The following NRXN3 variants were observed in gnomAD, a reference collection of about 807,000 sequenced individuals.
The protein encoded by NRXN3 is neurexin 3.
In NRXN3, 32 loss-of-function variants were observed where a neutral mutation model predicts 137.6. The observed-to-expected ratio is 0.23, with a 90% CI of 0.18 to 0.31. The LOEUF is 0.31. NRXN3 is among the 10% of genes least tolerant of loss of function. The pLI is 1.00. For missense variants in NRXN3, 1,574 were observed against 2,062.5 expected (o/e 0.76, Z 4.59); for synonymous variants, 798 against 784.5 (o/e 1.02, Z -0.29).
At chr14:78,527,225 C>T (rs745962680) in intron 4 of NRXN3, among the ~76,000 whole-genome samples, 1 of 152,176 alleles carries the variant, frequency 6.6e-6, no homozygotes, top group Non-Finnish European at 1.5e-5. Context: ...GTTTAATTGG[C>T]TCATGGTACT....
intron 15 of NRXN3, among the ~76,000 whole-genome samples, chr14:79,362,684 GC>G (rs971509497): frequency 6.6e-6 from 1 of 152,326 alleles, no homozygotes; most frequent in African/African-American, 2.4e-5. Context: ...TGACGCAGAT[GC>G]CAAGAAATCA....
chr14:78,673,704 T>C (rs911099818), intron 6 of NRXN3, among the ~76,000 whole-genome samples: 3 of 152,092 alleles, frequency 2.0e-5, no homozygotes, highest in African/African-American at 7.2e-5. Flanking sequence ...GCAGAGATCA[T>C]CTCTCTTGTT....
At chr14:79,104,113 C>A (rs142895233) in intron 15 of NRXN3, among the ~76,000 whole-genome samples, 3 of 152,292 alleles carry the variant, frequency 2.0e-5, no homozygotes, top group Non-Finnish European at 4.4e-5. Context: ...TCAGGGAAGT[C>A]TTCTGTGACC....
intron 10 of NRXN3, among the ~76,000 whole-genome samples, chr14:78,892,774 C>G (rs1438181263): frequency 2.1e-5 from 3 of 140,142 alleles, no homozygotes; most frequent in East Asian, 2.1e-4. Context: ...CCCCCATCTT[C>G]TGTGTGTGTG....
chr14:79,444,698 C>T lies in NRXN3; in HGVS notation c.3263-22523C>T, dbSNP rs149194127. 8.0e-3 allele frequency among the ~76,000 whole-genome samples: 1,211 copies of T among 152,254 alleles called. 12 individuals are homozygous for T. The highest frequency in any genetic ancestry group is 0.014 in the Middle Eastern group (4 of 294). ...TTTAAATTAGCTGGACATGGTGACC[C>T]ATGCCTGTAGTCCCAGCTACTTGGG... On this transcript the variant is annotated intron_variant, in intron 15 of 20. Coordinates refer to ENST00000335750, the MANE Select transcript of NRXN3 (RefSeq NM_001330195.2).
chr14:78,683,464 C>T (rs1357347660), intron 6 of NRXN3, among the ~76,000 whole-genome samples: 1 of 152,154 alleles, frequency 6.6e-6, no homozygotes, highest in Admixed American at 6.5e-5. Context: ...TTTAGACGTG[C>T]TTTATTTAGT....
intron 15 of NRXN3, among the ~76,000 whole-genome samples, chr14:79,417,635 T>A (rs1410606813): frequency 6.6e-6 from 1 of 152,168 alleles, no homozygotes; most frequent in African/African-American, 2.4e-5. Flanking sequence ...ACAATAATGA[T>A]GCTTTCGTTA....
chr14:78,608,788 A>T (rs1369434221), intron 4 of NRXN3, among the ~76,000 whole-genome samples: 1 of 152,184 alleles, frequency 6.6e-6, no homozygotes, highest in Non-Finnish European at 1.5e-5. Context: ...TTATTACCAT[A>T]GTGCTACCCC....
intron 1 of NRXN3, among the ~76,000 whole-genome samples, chr14:78,181,283 G>T (rs2059784343): frequency 1.3e-5 from 2 of 152,214 alleles, no homozygotes; most frequent in South Asian, 4.1e-4. Context: ...TAACTTAAAA[G>T]TTCTGAGGTG....
At chr14:79,516,891 C>G (rs1038337049) in intron 16 of NRXN3, among the ~76,000 whole-genome samples, 7 of 152,068 alleles carry the variant, frequency 4.6e-5, no homozygotes, top group African/African-American at 1.7e-4. Context: ...GCCTTATTTA[C>G]TTAACTGTTC....
rs1463036536 is a variant in NRXN3 at position 79,234,345 on chromosome 14, T to TTATATATATATATAATA, written c.3263-232865_3263-232864insATAATATATATATATAT. Among the ~76,000 whole-genome samples, 969 of 106,300 alleles carry TTATATATATATATAATA rather than the reference T, an allele frequency of 9.1e-3. 38 individuals are homozygous for TTATATATATATATAATA. The highest frequency in any genetic ancestry group is 0.034 in the African/African-American group (923 of 27,484). 69.7% of individuals were successfully genotyped at this position (106,300 alleles called of 152,430 possible). ...ATATATATATATATATATATAATATTTATATATATATTATATATGTATTAT... is the reference window on the plus strand; with the variant it reads ...ATATATATATATATATATATAATATTTATATATATATATAATATATATATATATTATATATGTATTAT... On this transcript the variant is annotated intron_variant, in intron 15 of 20. Transcript: ENST00000335750.
rs116574495 is a variant in NRXN3 at position 79,686,225 on chromosome 14, C to T, written c.3617-5948C>T. ...CAAGATCACACCACTGCACTCCAGC[C>T]TGCCTGTCTCAGAGAAGAAAAAAAA... On this transcript the variant is annotated intron_variant, in intron 17 of 20. Coordinates refer to ENST00000335750, the MANE Select transcript of NRXN3 (RefSeq NM_001330195.2). Among the ~76,000 whole-genome samples, 1,053 of 151,922 alleles carry T rather than the reference C, an allele frequency of 6.9e-3. 8 individuals carry two copies. The highest frequency in any genetic ancestry group is 0.024 in the African/African-American group (977 of 41,420).
At chr14:79,564,024 G>A (rs771611736) in intron 16 of NRXN3, among the ~76,000 whole-genome samples, 1 of 152,098 alleles carries the variant, frequency 6.6e-6, no homozygotes, top group African/African-American at 2.4e-5. Flanking sequence ...CTTAAAGAAG[G>A]AAGAGAAGTA....
At chr14:79,366,447 A>G (rs943202649) in intron 15 of NRXN3, among the ~76,000 whole-genome samples, 2 of 152,040 alleles carry the variant, frequency 1.3e-5, no homozygotes, top group Admixed American at 6.6e-5. Context: ...AACTGTCTCT[A>G]CCTTTCCCTT....
chr14:78,809,732 G>A (rs183585169), intron 9 of NRXN3, among the ~76,000 whole-genome samples: 13 of 152,230 alleles, frequency 8.5e-5, no homozygotes, highest in Admixed American at 7.9e-4. Flanking sequence ...AGGGTGGAGG[G>A]AGTTTGATTT....
At chr14:79,637,154 A>G (rs910929958) in intron 16 of NRXN3, among the ~76,000 whole-genome samples, 3 of 152,048 alleles carry the variant, frequency 2.0e-5, no homozygotes, top group Non-Finnish European at 2.9e-5. Context: ...ACCCCTTCCT[A>G]CTTCTGTTTC....
At chr14:79,631,636 A>C (rs1294033354) in intron 16 of NRXN3, among the ~76,000 whole-genome samples, 1 of 152,168 alleles carries the variant, frequency 6.6e-6, no homozygotes, top group Non-Finnish European at 1.5e-5. Context: ...TGCCACTGAG[A>C]GGTGAAGCCG....
chr14:78,425,639 A>T (rs1231174538), intron 4 of NRXN3, among the ~76,000 whole-genome samples: 3 of 152,176 alleles, frequency 2.0e-5, no homozygotes, highest in Non-Finnish European at 4.4e-5. Flanking sequence ...CGTTCTTAGT[A>T]GCTTTCTAAA....
chr14:78,407,471 G>T (rs2153661163), intron 4 of NRXN3, among the ~76,000 whole-genome samples: 1 of 152,220 alleles, frequency 6.6e-6, no homozygotes, highest in East Asian at 1.9e-4. Flanking sequence ...GCTTTGGAAG[G>T]CCATTTTTTT....
Sources: allele counts gnomAD v4.1 joint callset (sites outside exome capture counted in the v4.1 genomes callset), GRCh38; gene constraint gnomAD v4.1.1; transcripts MANE v1.5; gene names NCBI Gene and HGNC (gene_info 2026-07-23, HGNC 2026-07-21).